The following PIEZO2 variants were observed in gnomAD, a reference collection of about 807,000 sequenced individuals.
PIEZO2 encodes piezo type mechanosensitive ion channel component 2, also known as piezo-type mechanosensitive ion channel component 2.
A neutral mutation model predicts 337.3 loss-of-function variants in PIEZO2; 172 were observed. The ratio of observed to expected loss-of-function variants is 0.51; its 90% CI spans 0.45 to 0.58. The LOEUF is 0.58. Ranked by LOEUF, PIEZO2 falls within the 20% of genes least tolerant of loss-of-function variation. The pLI is 0.00. For missense variants in PIEZO2, 3,028 were observed against 3,391.3 expected (o/e 0.89, Z 2.66); for synonymous variants, 1,251 against 1,228.5 (o/e 1.02, Z -0.38).
At chr18:10,844,916 C>T (rs1247242217) in intron 7 of PIEZO2, among the ~76,000 whole-genome samples, 1 of 151,950 alleles carries the variant, frequency 6.6e-6, no homozygotes, top group East Asian at 1.9e-4. Context: ...CTAGTCAGGT[C>T]ACAAGCACCT....
At chr18:11,054,527 G>A (rs28431100) in intron 2 of PIEZO2, among the ~76,000 whole-genome samples, 14 of 152,110 alleles carry the variant, frequency 9.2e-5, no homozygotes, top group South Asian at 2.1e-4. Flanking sequence ...GGCAACCTTC[G>A]GGCAAAAAAG....
chr18:10,911,758 A>AAAC (rs1555674230), intron 3 of PIEZO2, among the ~76,000 whole-genome samples: 1 of 17,706 alleles, frequency 5.6e-5, no homozygotes, highest in Non-Finnish European at 1.1e-4. Context: ...CCATCTTGAA[A>AAAC]AAACAAAACA....
chr18:10,794,625 A>G lies in PIEZO2; in HGVS notation c.1758+147T>C, dbSNP rs1290610884. The G allele has an allele frequency of 1.5e-6, 1 of 672,176 alleles. No individual in the cohort carries two copies. The highest frequency in any genetic ancestry group is 1.8e-5 in the African/African-American group (1 of 55,110). 41.6% of individuals were successfully genotyped at this position (672,176 alleles called of 1,614,324 possible). A position where few individuals can be genotyped will look rare whatever the true frequency, so the allele number is the denominator to read the frequency against. On this transcript the variant is annotated intron_variant, in intron 13 of 55. Transcript: ENST00000674853. The surrounding 1 kb of genome is among the most constrained non-coding windows in gnomAD (Gnocchi z 6.6). ...TTATAGAGGCCTCTAAGCACCGCAAACTGTTTCTTACAGTCTCATGTTTGT... is the reference window on the plus strand; with the variant it reads ...TTATAGAGGCCTCTAAGCACCGCAAGCTGTTTCTTACAGTCTCATGTTTGT...
rs113496600 is a variant in PIEZO2, at chr18:11,037,841, A to G, written c.160+28286T>C. On this transcript the variant is annotated intron_variant, in intron 2 of 55. Transcript: ENST00000674853. ...CTATGTCAAAGTAACAGGGGCTATA[A>G]TATGCAAAGTTTTCTTAATGTTTCC... is the stretch of plus-strand genomic sequence containing the variant. Among the ~76,000 whole-genome samples the G allele has an allele frequency of 9.8e-3, 1,495 of 152,328 alleles. 35 individuals are homozygous for G. The highest frequency in any genetic ancestry group is 0.034 in the African/African-American group (1,413 of 41,578).
rs556269260 is a variant in PIEZO2 at position 11,016,462 on chromosome 18, C to T, written c.161-36802G>A. On this transcript the variant is annotated intron_variant, in intron 2 of 55. Coordinates refer to ENST00000674853, the MANE Select transcript of PIEZO2 (RefSeq NM_001378183.1). The surrounding 1 kb of genome is among the most constrained non-coding windows in gnomAD (Gnocchi z 5.6). ...CAGGGGCCCCAGAGAGAAAGTGAAC[C>T]CCTAGGAACCCCCTGCAAAGGGTGG... Among the ~76,000 whole-genome samples the T allele has an allele frequency of 1.3e-5, 2 of 152,130 alleles. No individual in the cohort carries two copies. Among genetic ancestry groups the T allele is most frequent in the African/African-American group, 4.8e-5 (2 of 41,506 alleles).
chr18:10,736,677 G>A lies in PIEZO2; in HGVS notation c.4742C>T (p.Thr1581Met), dbSNP rs181523658. The stretch of plus-strand genomic sequence containing the variant: ...TTCCTCTTCCTCCTCTTCACTATCC[G>A]TTTCAAACAAATAATAATCTCCACT... ...VRSGDYYLFETDSEEEEEEEL... is the reference protein window; with the variant it reads ...VRSGDYYLFEMDSEEEEEEEL... The change falls in exon 34 of 56, where the codon ACG (threonine) becomes ATG (methionine). Residue 1581 changes from threonine to methionine, a missense_variant. By Grantham distance (81) the Thr-to-Met change is moderately conservative. Transcript: ENST00000674853. The A allele has an allele frequency of 4.1e-5, 63 of 1,536,656 alleles. No homozygotes were observed. In the African/African-American group the frequency reaches 6.0e-4, roughly 15 times the overall value.
chr18:11,022,749 A>T (rs531502640), intron 2 of PIEZO2, among the ~76,000 whole-genome samples: 1 of 152,324 alleles, frequency 6.6e-6, no homozygotes, highest in Admixed American at 6.5e-5. Flanking sequence ...ATGACCTTAC[A>T]TGTGCATAGA....
intron 27 of PIEZO2, among the ~76,000 whole-genome samples, chr18:10,754,628 G>A (rs1268830579): frequency 6.6e-6 from 1 of 152,164 alleles, no homozygotes; most frequent in African/African-American, 2.4e-5. Flanking sequence ...ATATTGGGCT[G>A]GACTGATTGT....
At chr18:10,725,186 C>T in intron 36 of PIEZO2, 1 of 1,542,100 alleles carries the variant, frequency 6.5e-7, no homozygotes, top group Non-Finnish European at 9.0e-7. Context: ...ATCCATCAGG[C>T]AGTTGGCATC....
At chr18:10,959,056 C>T (rs1490592562) in intron 3 of PIEZO2, among the ~76,000 whole-genome samples, 1 of 152,108 alleles carries the variant, frequency 6.6e-6, no homozygotes, top group Non-Finnish European at 1.5e-5. Context: ...AGAGGGAAGA[C>T]ATTAAATATA....
chr18:10,950,185 A>G (rs1467710257), intron 3 of PIEZO2, among the ~76,000 whole-genome samples: 1 of 152,244 alleles, frequency 6.6e-6, no homozygotes, highest in Non-Finnish European at 1.5e-5. Flanking sequence ...CCAAGGGGTT[A>G]GCATAGATAA....
In PIEZO2 at chr18:10,863,572, T is replaced by C. The variant is rs141638183; in HGVS notation, c.493-6361A>G. 6.6e-6 allele frequency among the ~76,000 whole-genome samples: 1 copy of C among 152,320 alleles called. No homozygotes were observed. Among genetic ancestry groups the C allele is most frequent in the Non-Finnish European group, 1.5e-5 (1 of 68,030 alleles). On this transcript the variant is annotated intron_variant, in intron 5 of 55. Coordinates refer to ENST00000674853, the MANE Select transcript of PIEZO2 (RefSeq NM_001378183.1). This position sits in a 1 kb window ranked among gnomAD's most constrained non-coding sequence, Gnocchi z 4.3. ...CAGTTAGACCAATGCCTAAAGGATC[T>C]GTGGAGCTTTGAAAAAACTAGTCCA...
At chr18:10,912,720 T>C (rs2030590529) in intron 3 of PIEZO2, among the ~76,000 whole-genome samples, 1 of 152,220 alleles carries the variant, frequency 6.6e-6, no homozygotes, top group South Asian at 2.1e-4. Flanking sequence ...CAGGGCCAAT[T>C]CTCTGGACTT....
intron 3 of PIEZO2, among the ~76,000 whole-genome samples, chr18:10,978,354 A>AAAACAG (rs925585991): frequency 2.0e-5 from 3 of 151,962 alleles, no homozygotes; most frequent in African/African-American, 7.2e-5. Context: ...AACAAAAACA[A>AAAACAG]AAACAACAAA....
rs2035161487 is a variant in PIEZO2, at chr18:10,697,806, G to A, written c.6769C>T (p.Leu2257Phe). The change falls in exon 45 of 56, where the codon CTT (leucine) becomes TTT (phenylalanine). Residue 2257 changes from leucine to phenylalanine, a missense_variant. This residue lies in a region of PIEZO2 where 1,925 missense variants were observed against 2,051.9 expected (regional missense o/e 0.94). Coordinates refer to ENST00000674853, the MANE Select transcript of PIEZO2 (RefSeq NM_001378183.1). ...LSIKQKGKRELYMEKLQEHLI... is the reference protein window; with the variant it reads ...LSIKQKGKREFYMEKLQEHLI... ...TGTTCTTGAAGCTTTTCCATATAAA[G>A]TTCCCTTTTGCCTTTTTGCTTAATA... 1.2e-6 allele frequency: 2 copies of A among 1,614,154 alleles called. No homozygotes were observed. The highest frequency in any genetic ancestry group is 1.7e-6 in the Non-Finnish European group (2 of 1,180,012).
At chr18:10,715,406 G>A (rs1218596776) in intron 38 of PIEZO2, among the ~76,000 whole-genome samples, 1 of 152,204 alleles carries the variant, frequency 6.6e-6, no homozygotes, top group Non-Finnish European at 1.5e-5. Flanking sequence ...GTGGTGAGGG[G>A]AGGGATAGGA....
chr18:10,922,162 C>T (rs958979028), intron 3 of PIEZO2, among the ~76,000 whole-genome samples: 4 of 152,046 alleles, frequency 2.6e-5, no homozygotes, highest in Non-Finnish European at 4.4e-5. Context: ...TTTTGAAAAC[C>T]CCTAATAAAA....
intron 2 of PIEZO2, among the ~76,000 whole-genome samples, chr18:11,044,999 A>G (rs1334047122): frequency 6.6e-6 from 1 of 151,950 alleles, no homozygotes; most frequent in Non-Finnish European, 1.5e-5. Flanking sequence ...TTTTTTTTAA[A>G]AGAAAACTTA....
intron 30 of PIEZO2, among the ~76,000 whole-genome samples, chr18:10,747,129 G>A (rs1014018891): frequency 6.6e-6 from 1 of 152,194 alleles, no homozygotes; most frequent in African/African-American, 2.4e-5. Flanking sequence ...GGCATGAACT[G>A]TACTCTGAAC....
Sources: allele counts gnomAD v4.1 joint callset (sites outside exome capture counted in the v4.1 genomes callset), GRCh38; gene constraint gnomAD v4.1.1; regional missense constraint gnomAD v4.1.1; non-coding constraint Gnocchi (gnomAD v3.1); transcripts MANE v1.5; gene names NCBI Gene and HGNC (gene_info 2026-07-23, HGNC 2026-07-21).